KRIT1: variants seen among roughly 807,000 people sequenced by gnomAD.
KRIT1 encodes KRIT1 ankyrin repeat containing, also known as krev interaction trapped protein 1.
Under a neutral mutation model 95.8 loss-of-function variants are expected in KRIT1, and 45 were observed. That is an observed-to-expected ratio of 0.47 (90% CI 0.37 to 0.60). The LOEUF (loss-of-function observed/expected upper bound fraction) is 0.60, where lower values mean the gene tolerates loss of function less well. Ranked by LOEUF, KRIT1 falls within the 20% of genes least tolerant of loss-of-function variation. The pLI is 0.00. For missense variants in KRIT1, 788 were observed against 877.5 expected (o/e 0.90, Z 1.29); for synonymous variants, 282 against 278.8 (o/e 1.01, Z -0.11).
intron 17 of KRIT1, 122 bp downstream of exon 17, chr7:92,213,073 G>A: frequency 5.9e-6 from 4 of 673,424 alleles, no homozygotes; most frequent in Non-Finnish European, 1.1e-5. Flanking sequence ...TTCCTCTTAT[G>A]TAATGAATGA....
intron 3 of KRIT1, among the ~76,000 whole-genome samples, chr7:92,243,363 CATTT>C (rs922390260): frequency 3.6e-4 from 55 of 152,246 alleles, no homozygotes; most frequent in African/African-American, 1.1e-3. Flanking sequence ...AGCTTCTCCC[CATTT>C]ATTTGTCAGT....
chr7:92,239,941 C>T (rs1405347160), intron 5 of KRIT1, among the ~76,000 whole-genome samples: 4 of 151,996 alleles, frequency 2.6e-5, no homozygotes. Context: ...GAACTCCTGA[C>T]CTCGTGATCC....
chr7:92,230,738 C>T (rs528575589), intron 10 of KRIT1, among the ~76,000 whole-genome samples: 2 of 152,120 alleles, frequency 1.3e-5, no homozygotes, highest in East Asian at 3.9e-4. Context: ...TATGTGTATA[C>T]CCTATGATAC....
chr7:92,199,720 GA>G lies in KRIT1; in HGVS notation c.*1015del, dbSNP rs1398130928. Reference sequence around the variant, plus strand: ...GTGAAATTTCTCAACTTTAATAATCGAAATTCCTTATTGGGTCTGAAATTAT... The same window carrying G: ...GTGAAATTTCTCAACTTTAATAATCGAATTCCTTATTGGGTCTGAAATTAT... On this transcript the variant is annotated 3_prime_UTR_variant, in exon 19 of 19. Coordinates refer to ENST00000394505, the MANE Select transcript of KRIT1 (RefSeq NM_194454.3). 2 of 152,088 alleles carry G rather than the reference GA, an allele frequency of 1.3e-5. No homozygotes were observed. Among genetic ancestry groups the G allele is most frequent in the African/African-American group, 2.4e-5 (1 of 41,422 alleles). 9.4% of individuals were successfully genotyped at this position (152,088 alleles called of 1,614,324 possible).
intron 14 of KRIT1, among the ~76,000 whole-genome samples, chr7:92,219,602 G>C (rs1794709798): frequency 6.6e-6 from 1 of 152,136 alleles, no homozygotes; most frequent in Admixed American, 6.5e-5. Context: ...TTCTTCTTAA[G>C]ATTGCTTTGG....
chr7:92,244,461 TTTG>T (rs1404804569), intron 2 of KRIT1, among the ~76,000 whole-genome samples: 8 of 152,372 alleles, frequency 5.3e-5, no homozygotes, highest in South Asian at 4.1e-4. Flanking sequence ...GTAACAGTAT[TTTG>T]TTTTCTTAAA....
intron 14 of KRIT1, 112 bp from the exon 15 acceptor site, chr7:92,214,889 T>C: frequency 1.3e-6 from 1 of 763,316 alleles, no homozygotes; most frequent in South Asian, 1.6e-5. Flanking sequence ...GAGCTGTTAC[T>C]GTTTTGAGCA....
In KRIT1 at chr7:92,243,877, C is replaced by A. The variant is rs151121160; in HGVS notation, c.-3+125G>T. 5 of 152,122 alleles carry A rather than the reference C, an allele frequency of 3.3e-5. No homozygotes were observed. The East Asian group carries it at 5.8e-4, about 18-fold the overall frequency. 9.4% of individuals were successfully genotyped at this position (152,122 alleles called of 1,614,324 possible). ...ATTTCACTAGAAAAAAATACAGTGA[C>A]ACATTAGGATAGAGACATTTCATTG... On this transcript the variant is annotated intron_variant, in intron 3 of 18. Coordinates refer to ENST00000394505, the MANE Select transcript of KRIT1 (RefSeq NM_194454.3).
In KRIT1 at chr7:92,242,037, A is replaced by C; in HGVS notation, c.99T>G (p.Tyr33Ter). 1 of 1,452,622 alleles carries C rather than the reference A, an allele frequency of 6.9e-7. No individual in the cohort carries two copies. Among genetic ancestry groups the C allele is most frequent in the Non-Finnish European group, 9.7e-7 (1 of 1,033,624 alleles). 90.0% of individuals were successfully genotyped at this position (1,452,622 alleles called of 1,614,324 possible). ...AATTATTATTAAATGTTCTTACTTC[A>C]TATGACTTAGCTCTGTATTCCCGAG... Reference protein sequence around the residue: ...LNSREYRAKSYEILLHEVPIE... With the variant: ...LNSREYRAKS Residue 33 changes from tyrosine (Y) to a stop codon, truncating the protein, a stop_gained, in exon 4 of 19, where the codon TAT (tyrosine) becomes TAG (stop). Coordinates refer to ENST00000394505, the MANE Select transcript of KRIT1 (RefSeq NM_194454.3). LOFTEE classifies it high-confidence loss of function.
intron 17 of KRIT1, chr7:92,206,216 C>G (rs1053347686): frequency 6.5e-6 from 1 of 152,776 alleles, no homozygotes; most frequent in African/African-American, 2.4e-5. Context: ...GAGGGCCTGA[C>G]GACAGGCCTG....
intron 17 of KRIT1, among the ~76,000 whole-genome samples, chr7:92,208,152 A>C (rs1398724405): frequency 6.6e-6 from 1 of 152,160 alleles, no homozygotes; most frequent in Non-Finnish European, 1.5e-5. Context: ...AAAATTTCTC[A>C]AATGCAATGA....
chr7:92,227,559 T>C (rs569972056), intron 10 of KRIT1, among the ~76,000 whole-genome samples: 2 of 152,212 alleles, frequency 1.3e-5, no homozygotes, highest in Non-Finnish European at 2.9e-5. Flanking sequence ...TTTTTGAGAC[T>C]GAGTCTCACT....
At chr7:92,242,228 CTT>C (rs1799831806) in intron 3 of KRIT1, 91 bp from the exon 4 acceptor site, 3 of 775,204 alleles carry the variant, frequency 3.9e-6, no homozygotes, top group African/African-American at 3.5e-5. Context: ...AAATTGAAAA[CTT>C]TTATTTCCAC....
chr7:92,221,699 T>C (rs910064290), intron 14 of KRIT1, among the ~76,000 whole-genome samples: 7 of 152,218 alleles, frequency 4.6e-5, no homozygotes, highest in Admixed American at 2.6e-4. Flanking sequence ...CTATTTCTTT[T>C]GTATTCTTAA....
intron 10 of KRIT1, among the ~76,000 whole-genome samples, chr7:92,227,115 G>A (rs1415219707): frequency 1.3e-5 from 2 of 152,206 alleles, no homozygotes; most frequent in East Asian, 1.9e-4. Flanking sequence ...TCTATACACA[G>A]TTGCTATATT....
chr7:92,217,556 A>G (rs1584832579), intron 14 of KRIT1, among the ~76,000 whole-genome samples: 1 of 152,074 alleles, frequency 6.6e-6, no homozygotes, highest in Non-Finnish European at 1.5e-5. Flanking sequence ...TTTATTTAGT[A>G]TGTTTTCAAG....
At chr7:92,215,776 TA>T (rs1188171886) in intron 14 of KRIT1, among the ~76,000 whole-genome samples, 184 of 150,044 alleles carry the variant, frequency 1.2e-3, no homozygotes, top group East Asian at 2.3e-3. Context: ...TTTTTTTTTT[TA>T]AAACTATAAA....
chr7:92,234,727 T>G (rs1354866163), intron 9 of KRIT1, 81 bp downstream of exon 9: 1 of 1,112,548 alleles, frequency 9.0e-7, no homozygotes, highest in Non-Finnish European at 1.4e-6. Flanking sequence ...GCATACAAAT[T>G]GCATATATAA....
At chr7:92,215,148 AT>A (rs2131333965) in intron 14 of KRIT1, among the ~76,000 whole-genome samples, 1 of 152,288 alleles carries the variant, frequency 6.6e-6, no homozygotes, top group South Asian at 2.1e-4. Context: ...CGTAAAAAAA[AT>A]CATCTTGTGA....
Sources: allele counts gnomAD v4.1 joint callset (sites outside exome capture counted in the v4.1 genomes callset), GRCh38; gene constraint gnomAD v4.1.1; transcripts MANE v1.5; gene names NCBI Gene and HGNC (gene_info 2026-07-23, HGNC 2026-07-21).